IFTAP: variants seen among roughly 807,000 people sequenced by gnomAD.
IFTAP encodes the protein intraflagellar transport-associated protein.
Under a neutral mutation model 19.4 loss-of-function variants are expected in IFTAP, and 19 were observed. The observed-to-expected ratio is 0.98, with a 90% CI of 0.68 to 1.44. The LOEUF (loss-of-function observed/expected upper bound fraction) is 1.44, where lower values mean the gene tolerates loss of function less well. Ranked by LOEUF, IFTAP falls within the 40% of genes most tolerant of loss-of-function variation. The probability of loss-of-function intolerance (pLI) is 0.00; values close to 1 mark genes in which losing one functional copy is unlikely to be tolerated. For missense variants in IFTAP, 240 were observed against 253.6 expected, an observed-to-expected ratio of 0.95 and a Z score of 0.36; for synonymous variants, 85 against 83.5, an observed-to-expected ratio of 1.02 and a Z score of -0.10.
chr11:36,641,046 C>T (rs963476582), intron 4 of IFTAP, among the ~76,000 whole-genome samples: 7 of 151,988 alleles, frequency 4.6e-5, no homozygotes, highest in Non-Finnish European at 8.8e-5. Flanking sequence ...ATATCCACAA[C>T]TATATAAAAA....
intron 3 of IFTAP, among the ~76,000 whole-genome samples, chr11:36,635,050 A>T (rs1852883959): frequency 6.6e-6 from 1 of 152,186 alleles, no homozygotes; most frequent in African/African-American, 2.4e-5. Context: ...TGGATGCCAG[A>T]TAATAACTGC....
intron 1 of IFTAP, chr11:36,595,129 C>T (rs949831366): frequency 4.6e-5 from 7 of 152,128 alleles, no homozygotes; most frequent in African/African-American, 1.7e-4. Context: ...TGTTTTTACT[C>T]CTGTTTTTAG....
intron 5 of IFTAP, among the ~76,000 whole-genome samples, chr11:36,651,248 CTA>C (rs1853711473): frequency 6.6e-6 from 1 of 152,200 alleles, no homozygotes; most frequent in South Asian, 2.1e-4. Flanking sequence ...GATCACCATT[CTA>C]ACTGGTGTGA....
chr11:36,596,211 G>GTA (rs1851225194), intron 1 of IFTAP, among the ~76,000 whole-genome samples: 1 of 101,158 alleles, frequency 9.9e-6, no homozygotes, highest in Non-Finnish European at 1.9e-5. Context: ...AGATGGTAGT[G>GTA]TTTTTTTTTT....
chr11:36,623,734 A>G (rs1361730837), intron 2 of IFTAP, among the ~76,000 whole-genome samples: 1 of 152,180 alleles, frequency 6.6e-6, no homozygotes, highest in Non-Finnish European at 1.5e-5. Context: ...GGGAGACCAC[A>G]CAGGCTGTGG....
chr11:36,613,405 CATTA>C (rs1277732059), intron 2 of IFTAP, among the ~76,000 whole-genome samples: 2 of 151,848 alleles, frequency 1.3e-5, no homozygotes, highest in East Asian at 1.9e-4. Context: ...TTAATTAATT[CATTA>C]ATTAATTCTG....
At chr11:36,602,763 C>T (rs975115816) in intron 1 of IFTAP, among the ~76,000 whole-genome samples, 3 of 151,690 alleles carry the variant, frequency 2.0e-5, no homozygotes, top group Non-Finnish European at 2.9e-5. Context: ...AGTTAGCGTG[C>T]TTATAGGAGT....
chr11:36,627,825 C>G (rs895897751), intron 2 of IFTAP, among the ~76,000 whole-genome samples: 1 of 150,876 alleles, frequency 6.6e-6, no homozygotes, highest in East Asian at 1.9e-4. Flanking sequence ...TTGCACCCAC[C>G]ATCACAGAGA....
intron 4 of IFTAP, among the ~76,000 whole-genome samples, chr11:36,645,423 C>T (rs1288540825): frequency 6.6e-6 from 1 of 152,086 alleles, no homozygotes; most frequent in Non-Finnish European, 1.5e-5. Context: ...AAGATGGTTG[C>T]ATTTCATTAA....
intron 2 of IFTAP, among the ~76,000 whole-genome samples, chr11:36,631,558 C>A (rs771266942): frequency 3.3e-5 from 5 of 151,160 alleles, no homozygotes; most frequent in Non-Finnish European, 7.4e-5. Context: ...ATGAATCTCA[C>A]TGATTTTGAT....
intron 2 of IFTAP, among the ~76,000 whole-genome samples, chr11:36,623,495 A>T (rs913844834): frequency 1.1e-4 from 16 of 152,148 alleles, no homozygotes; most frequent in Admixed American, 2.6e-4. Flanking sequence ...TTTTACTGTG[A>T]TCTTGCTGAT....
At chr11:36,625,679 C>T (rs1260619411) in intron 2 of IFTAP, among the ~76,000 whole-genome samples, 2 of 151,948 alleles carry the variant, frequency 1.3e-5, no homozygotes, top group African/African-American at 4.8e-5. Flanking sequence ...CAGAAGTGAA[C>T]AAAAGACACA....
intron 4 of IFTAP, among the ~76,000 whole-genome samples, chr11:36,644,137 C>A (rs1349738832): frequency 6.6e-6 from 1 of 151,926 alleles, no homozygotes; most frequent in Non-Finnish European, 1.5e-5. Flanking sequence ...ATAAATAACT[C>A]AAACAAGTTT....
chr11:36,636,180 T>C, intron 4 of IFTAP, 63 bp downstream of exon 4: 1 of 1,281,966 alleles, frequency 7.8e-7, no homozygotes, highest in Non-Finnish European at 1.1e-6. Context: ...AATAAGGCTT[T>C]AGACAGCTTT....
intron 1 of IFTAP, among the ~76,000 whole-genome samples, chr11:36,597,938 G>A (rs111538574): frequency 3.3e-3 from 498 of 152,170 alleles, no homozygotes; most frequent in African/African-American, 0.011. Flanking sequence ...CCAGAGAACA[G>A]AAAGCCCCAC....
At chr11:36,633,259 A>G (rs1852797989) in intron 2 of IFTAP, 25 bp from the exon 3 acceptor site, 1 of 1,457,654 alleles carries the variant, frequency 6.9e-7, no homozygotes, top group African/African-American at 1.7e-5. Flanking sequence ...GATGTTTTCT[A>G]ATAGTGCATA....
chr11:36,617,891 G>C (rs12420930), intron 2 of IFTAP, among the ~76,000 whole-genome samples: 17,215 of 151,876 alleles, frequency 0.11, 1,142 homozygotes, highest in African/African-American at 0.17. Context: ...ACCTCTCTCA[G>C]AGAAACATCT....
rs565663939 is a variant in IFTAP, at chr11:36,641,210, G to T, written c.358+5093G>T. ...TTCAGCCAGATATTATAACAGATTC[G>T]AAAAAATGTAAAATAATGCTTCTCA... On this transcript the variant is annotated intron_variant, in intron 4 of 5. Coordinates refer to ENST00000334307, the MANE Select transcript of IFTAP (RefSeq NM_138787.4). Among the ~76,000 whole-genome samples the T allele has an allele frequency of 2.0e-5, 3 of 151,862 alleles. No individual in the cohort carries two copies. In the South Asian group the frequency reaches 6.2e-4, roughly 32 times the overall value.
At chr11:36,636,313 C>T (rs1412313107) in intron 4 of IFTAP, among the ~76,000 whole-genome samples, 196 bp downstream of exon 4, 1 of 152,096 alleles carries the variant, frequency 6.6e-6, no homozygotes, top group Non-Finnish European at 1.5e-5. Flanking sequence ...ATTGTGAAAC[C>T]TTTGGTCTTA....
Sources: allele counts gnomAD v4.1 joint callset (sites outside exome capture counted in the v4.1 genomes callset), GRCh38; gene constraint gnomAD v4.1.1; transcripts MANE v1.5; gene names NCBI Gene and HGNC (gene_info 2026-07-23, HGNC 2026-07-21).